LYPD6: variants seen among roughly 807,000 people sequenced by gnomAD.
The protein encoded by LYPD6 is LY6/PLAUR domain containing 6, also known as ly6/PLAUR domain-containing protein 6.
Under a neutral mutation model 22.7 loss-of-function variants are expected in LYPD6, and 15 were observed. That is an observed-to-expected ratio of 0.66 (90% CI 0.44 to 1.02). The LOEUF is 1.02. Among genes scored for constraint, LYPD6 ranks in the 50% least tolerant of loss-of-function variants. The pLI is 0.00. For missense variants in LYPD6, 189 were observed against 208.4 expected (o/e 0.91, Z 0.57); for synonymous variants, 72 against 77.5 (o/e 0.93, Z 0.37).
At chr2:149,346,163 G>A (rs1245229738) in intron 1 of LYPD6, among the ~76,000 whole-genome samples, 1 of 152,026 alleles carries the variant, frequency 6.6e-6, no homozygotes, top group Non-Finnish European at 1.5e-5. Context: ...CCACTGCCTG[G>A]CATCTAATAC....
At position 149,353,085 on chromosome 2, in the gene LYPD6, A is replaced by T. The variant is rs1004689895; in HGVS notation, c.-72+22363A>T. ...TGTGACTCCAGCATATTGCAGGCCA[A>T]TGTAGTCATCTACAAACACTTCTTG... On this transcript the variant is annotated intron_variant, in intron 1 of 4. Coordinates refer to ENST00000334166, the MANE Select transcript of LYPD6 (RefSeq NM_194317.5). Among the ~76,000 whole-genome samples, 6 of 152,208 alleles carry T rather than the reference A, an allele frequency of 3.9e-5. No homozygotes were observed. In the South Asian group the frequency reaches 1.2e-3, roughly 31 times the overall value.
downstream of LYPD6, among the ~76,000 whole-genome samples, chr2:149,477,688 A>T (rs1346846422): frequency 6.6e-6 from 1 of 151,968 alleles, no homozygotes; most frequent in Middle Eastern, 3.4e-3. Flanking sequence ...AGTATTTAGG[A>T]AAAAAGCATA....
chr2:149,438,660 A>C (rs1458466180), intron 2 of LYPD6, among the ~76,000 whole-genome samples: 1 of 152,236 alleles, frequency 6.6e-6, no homozygotes, highest in African/African-American at 2.4e-5. Flanking sequence ...ATAGGCTTGA[A>C]AGCATAAAGG....
At chr2:149,333,631 C>T (rs1680978757) in intron 1 of LYPD6, among the ~76,000 whole-genome samples, 1 of 152,144 alleles carries the variant, frequency 6.6e-6, no homozygotes, top group Non-Finnish European at 1.5e-5. Flanking sequence ...TATTAGGTAC[C>T]AGCTCTGCTC....
intron 1 of LYPD6, among the ~76,000 whole-genome samples, chr2:149,393,255 A>G (rs1682354603): frequency 6.6e-6 from 1 of 152,332 alleles, no homozygotes; most frequent in African/African-American, 2.4e-5. Context: ...ACACGTAAAT[A>G]GATGCCATCA....
At chr2:149,402,295 C>T (rs563245149) in intron 1 of LYPD6, among the ~76,000 whole-genome samples, 35 of 151,712 alleles carry the variant, frequency 2.3e-4, no homozygotes, top group Non-Finnish European at 3.7e-4. Flanking sequence ...AACTGATGGG[C>T]ATTTGGGCTG....
chr2:149,469,781 G>T (rs1223392182), intron 4 of LYPD6, among the ~76,000 whole-genome samples: 2 of 152,028 alleles, frequency 1.3e-5, no homozygotes, highest in African/African-American at 4.8e-5. Context: ...TCATATGCTC[G>T]GTCACACAGC....
intron 1 of LYPD6, among the ~76,000 whole-genome samples, chr2:149,427,271 G>A (rs1299570552): frequency 1.3e-5 from 2 of 152,036 alleles, no homozygotes; most frequent in African/African-American, 4.8e-5. Flanking sequence ...TTACACTTCC[G>A]CATTTTTGGA....
intron 4 of LYPD6, among the ~76,000 whole-genome samples, chr2:149,469,818 A>C (rs763502272): frequency 6.6e-6 from 1 of 151,894 alleles, no homozygotes; most frequent in Non-Finnish European, 1.5e-5. Flanking sequence ...CAGAATTCCA[A>C]CTCACCTCTG....
Position 149,436,704 on chromosome 2 carries a change from C to T in LYPD6, c.-71-934C>T, listed in dbSNP as rs184382292. ...AAGCGATTCTCCTGCCTCACCCTCC[C>T]GAGAGTAGCTGAGATTACAGGTGCC... is the stretch of plus-strand genomic sequence containing the variant. On this transcript the variant is annotated intron_variant, in intron 1 of 4. Coordinates refer to ENST00000334166, the MANE Select transcript of LYPD6 (RefSeq NM_194317.5). Among the ~76,000 whole-genome samples, 8 of 152,230 alleles carry T rather than the reference C, an allele frequency of 5.3e-5. No homozygotes were observed. In the East Asian group the frequency reaches 1.2e-3, roughly 22 times the overall value.
At chr2:149,478,388 G>A (rs527461086), downstream of LYPD6, among the ~76,000 whole-genome samples, 14 of 60,482 alleles carry the variant, frequency 2.3e-4, no homozygotes, top group South Asian at 9.4e-3. Flanking sequence ...GTGTGTGTGT[G>A]TGTGTGTGTG....
intron 1 of LYPD6, among the ~76,000 whole-genome samples, chr2:149,402,251 T>C (rs541730173): frequency 1.7e-3 from 263 of 152,232 alleles, no homozygotes; most frequent in Non-Finnish European, 3.2e-3. Context: ...TGTGTGTGTG[T>C]GTGTGTGTAT....
Position 149,389,918 on chromosome 2 carries a change from G to C in LYPD6, c.-71-47720G>C, listed in dbSNP as rs562278663. Among the ~76,000 whole-genome samples the C allele has an allele frequency of 2.0e-4, 30 of 152,312 alleles. 1 individual carries two copies. In the South Asian group the frequency reaches 4.6e-3, roughly 23 times the overall value. Reference sequence around the variant, plus strand: ...TGTATGGTTAGCATGGTGGCCGGCTGTCTTGAGATTATGTTAGCAGACCCC... The same window carrying C: ...TGTATGGTTAGCATGGTGGCCGGCTCTCTTGAGATTATGTTAGCAGACCCC... On this transcript the variant is annotated intron_variant, in intron 1 of 4. Coordinates refer to ENST00000334166, the MANE Select transcript of LYPD6 (RefSeq NM_194317.5).
chr2:149,377,440 C>T (rs1355904528), intron 1 of LYPD6, among the ~76,000 whole-genome samples: 1 of 152,146 alleles, frequency 6.6e-6, no homozygotes, highest in Non-Finnish European at 1.5e-5. Flanking sequence ...AGGCTCTAAC[C>T]TTGAAGGAAC....
intron 1 of LYPD6, among the ~76,000 whole-genome samples, chr2:149,426,680 C>T (rs1683194336): frequency 6.6e-6 from 1 of 152,108 alleles, no homozygotes; most frequent in Non-Finnish European, 1.5e-5. Flanking sequence ...AGCTGGGCTT[C>T]TCTCAACACA....
chr2:149,335,983 A>G (rs1417076663), intron 1 of LYPD6, among the ~76,000 whole-genome samples: 6 of 152,216 alleles, frequency 3.9e-5, no homozygotes, highest in Non-Finnish European at 8.8e-5. Context: ...CTCTCAGAAC[A>G]TATCTCCATT....
At chr2:149,386,829 A>C (rs942232078) in intron 1 of LYPD6, among the ~76,000 whole-genome samples, 1 of 152,208 alleles carries the variant, frequency 6.6e-6, no homozygotes, top group African/African-American at 2.4e-5. Flanking sequence ...CCTTACCTTC[A>C]CTACCTCTTG....
the LYPD6 span, among the ~76,000 whole-genome samples, chr2:149,479,335 C>T: frequency 6.6e-6 from 1 of 152,202 alleles, no homozygotes; most frequent in African/African-American, 2.4e-5. Context: ...GGTGATTCTT[C>T]CATGCCTGTT....
intron 1 of LYPD6, among the ~76,000 whole-genome samples, chr2:149,406,095 GAGAC>G (rs1236153188): frequency 6.6e-6 from 1 of 150,678 alleles, no homozygotes; most frequent in Non-Finnish European, 1.5e-5. Context: ...TGTGGTCTGA[GAGAC>G]AGTTTGTTAT....
Sources: allele counts gnomAD v4.1 joint callset (sites outside exome capture counted in the v4.1 genomes callset), GRCh38; gene constraint gnomAD v4.1.1; transcripts MANE v1.5; gene names NCBI Gene and HGNC (gene_info 2026-07-23, HGNC 2026-07-21).